The following PLEKHA5 variants were observed in gnomAD, a reference collection of about 807,000 sequenced individuals.
PLEKHA5 encodes pleckstrin homology domain-containing family A member 5.
A neutral mutation model predicts 181.9 loss-of-function variants in PLEKHA5; 55 were observed. The observed-to-expected ratio is 0.30, with a 90% CI of 0.24 to 0.38. The LOEUF (loss-of-function observed/expected upper bound fraction) is 0.38, where lower values mean the gene tolerates loss of function less well. Ranked by LOEUF, PLEKHA5 falls within the 10% of genes least tolerant of loss-of-function variation. The probability of loss-of-function intolerance (pLI) is 1.00; values close to 1 mark genes in which losing one functional copy is unlikely to be tolerated. For missense variants in PLEKHA5, 1,432 were observed against 1,549.5 expected (o/e 0.92, Z 1.27); for synonymous variants, 535 against 529.4 (o/e 1.01, Z -0.15).
intron 21 of PLEKHA5, among the ~76,000 whole-genome samples, chr12:19,339,962 G>T (rs2093728836): frequency 6.6e-6 from 1 of 152,084 alleles, no homozygotes; most frequent in South Asian, 2.1e-4. Flanking sequence ...ACATGGTACA[G>T]GAAAAAATAG....
intron 3 of PLEKHA5, among the ~76,000 whole-genome samples, chr12:19,163,370 G>T (rs2043445198): frequency 6.6e-6 from 1 of 152,020 alleles, no homozygotes; most frequent in Non-Finnish European, 1.5e-5. Context: ...GTAGAGACGG[G>T]ATTTCACTGT....
At chr12:19,166,363 A>G (rs892691189) in intron 3 of PLEKHA5, among the ~76,000 whole-genome samples, 22 of 152,328 alleles carry the variant, frequency 1.4e-4, no homozygotes, top group African/African-American at 5.1e-4. Flanking sequence ...ATCTAATGTT[A>G]TATAACTAAA....
At chr12:19,300,734 A>C (rs1368813966) in intron 15 of PLEKHA5, among the ~76,000 whole-genome samples, 1 of 152,226 alleles carries the variant, frequency 6.6e-6, no homozygotes. Context: ...TAAATCTTTG[A>C]ATTAATGGTA....
intron 15 of PLEKHA5, among the ~76,000 whole-genome samples, chr12:19,296,659 CACTT>C (rs1198360875): frequency 1.3e-5 from 2 of 152,056 alleles, no homozygotes; most frequent in African/African-American, 4.8e-5. Flanking sequence ...TCAGTCTTGT[CACTT>C]ACTAGATCTA....
At chr12:19,306,095 A>T (rs989628906) in intron 15 of PLEKHA5, among the ~76,000 whole-genome samples, 4 of 151,994 alleles carry the variant, frequency 2.6e-5, no homozygotes, top group Non-Finnish European at 5.9e-5. Context: ...AAAACAAGTT[A>T]TTCGTATTTG....
chr12:19,327,489 A>G (rs2092330308), intron 20 of PLEKHA5, among the ~76,000 whole-genome samples: 1 of 151,572 alleles, frequency 6.6e-6, no homozygotes, highest in Non-Finnish European at 1.5e-5. Context: ...TAGATTCTGG[A>G]TATTCAACCT....
chr12:19,221,496 G>T (rs1292364555), intron 3 of PLEKHA5, among the ~76,000 whole-genome samples: 4 of 152,136 alleles, frequency 2.6e-5, no homozygotes, highest in Admixed American at 6.6e-5. Flanking sequence ...GGTTGAATAG[G>T]TGAAGCGCAG....
chr12:19,158,489 C>T (rs1019711038), intron 3 of PLEKHA5, among the ~76,000 whole-genome samples: 4 of 152,182 alleles, frequency 2.6e-5, no homozygotes, highest in African/African-American at 4.8e-5. Flanking sequence ...ACTTTCAGTA[C>T]ATTCCGTGGA....
chr12:19,148,079 C>T (rs948837543), intron 3 of PLEKHA5, among the ~76,000 whole-genome samples: 14 of 150,908 alleles, frequency 9.3e-5, no homozygotes, highest in African/African-American at 3.2e-4. Flanking sequence ...TTTTTTGAGA[C>T]GGAGTCTCGT....
chr12:19,140,572 G>A (rs375951602), intron 3 of PLEKHA5, among the ~76,000 whole-genome samples: 1 of 152,150 alleles, frequency 6.6e-6, no homozygotes. Context: ...GGCAGAGATA[G>A]TCTTATACTG....
At chr12:19,297,882 A>C in intron 15 of PLEKHA5, among the ~76,000 whole-genome samples, 1 of 151,934 alleles carries the variant, frequency 6.6e-6, no homozygotes, top group Non-Finnish European at 1.5e-5. Flanking sequence ...TTTAAAAAAC[A>C]ATTATCAAAT....
chr12:19,256,753 T>C (rs1172714168), intron 5 of PLEKHA5, among the ~76,000 whole-genome samples: 1 of 152,168 alleles, frequency 6.6e-6, no homozygotes, highest in Non-Finnish European at 1.5e-5. Flanking sequence ...CTTCATTGTT[T>C]TCATCTTTGT....
chr12:19,173,823 G>A (rs80025369), intron 3 of PLEKHA5, among the ~76,000 whole-genome samples: 3,838 of 152,270 alleles, frequency 0.025, 72 homozygotes, highest in Non-Finnish European at 0.039. Context: ...TAGTGGTCTA[G>A]ATAGTTCATG....
intron 3 of PLEKHA5, among the ~76,000 whole-genome samples, chr12:19,202,584 A>G (rs1395430140): frequency 2.9e-5 from 3 of 104,770 alleles, no homozygotes; most frequent in Non-Finnish European, 6.6e-5. Context: ...ATGGTAAACA[A>G]AACAACAACA....
chr12:19,313,049 G>A (rs2087132563), intron 15 of PLEKHA5, among the ~76,000 whole-genome samples: 2 of 152,124 alleles, frequency 1.3e-5, no homozygotes, highest in African/African-American at 4.8e-5. Flanking sequence ...TGGGATAACG[G>A]CTGGTCAGTG....
intron 3 of PLEKHA5, chr12:19,149,622 C>T (rs1200875809): frequency 6.6e-6 from 1 of 151,216 alleles, no homozygotes; most frequent in African/African-American, 2.4e-5. Flanking sequence ...TTGTTTCTTT[C>T]TCTAGTTTCT....
intron 15 of PLEKHA5, among the ~76,000 whole-genome samples, chr12:19,304,191 G>A (rs2082455398): frequency 6.6e-6 from 1 of 152,142 alleles, no homozygotes; most frequent in Admixed American, 6.5e-5. Context: ...GGAATCCTGA[G>A]GTCAGGCGTT....
At chr12:19,296,285 G>A (rs1426702433) in intron 15 of PLEKHA5, among the ~76,000 whole-genome samples, 2 of 151,464 alleles carry the variant, frequency 1.3e-5, no homozygotes, top group Non-Finnish European at 2.9e-5. Flanking sequence ...TGTGGCTCAC[G>A]CCTGTAATCC....
intron 3 of PLEKHA5, chr12:19,150,547 C>T (rs1292033180): frequency 6.6e-6 from 1 of 152,234 alleles, no homozygotes; most frequent in African/African-American, 2.4e-5. Context: ...GAGTGGGGAC[C>T]TCCTCTGACC....
Sources: allele counts gnomAD v4.1 joint callset (sites outside exome capture counted in the v4.1 genomes callset), GRCh38; gene constraint gnomAD v4.1.1; transcripts MANE v1.5; gene names NCBI Gene and HGNC (gene_info 2026-07-23, HGNC 2026-07-21).